KCNIP4: variants seen among roughly 807,000 people sequenced by gnomAD.
KCNIP4 encodes Kv channel-interacting protein 4.
A neutral mutation model predicts 34.0 loss-of-function variants in KCNIP4; 12 were observed. The observed-to-expected ratio is 0.35, with a 90% CI of 0.23 to 0.57. The LOEUF is 0.57. Among genes scored for constraint, KCNIP4 ranks in the 20% least tolerant of loss-of-function variants. The pLI is 0.83. For synonymous variants in KCNIP4, 124 were observed against 102.2 expected, an observed-to-expected ratio of 1.21 and a Z score of -1.29; for missense variants, 238 against 311.7, an observed-to-expected ratio of 0.76 and a Z score of 1.78.
At chr4:21,428,972 T>G (rs913544248) in intron 1 of KCNIP4, among the ~76,000 whole-genome samples, 2 of 152,128 alleles carry the variant, frequency 1.3e-5, no homozygotes, top group East Asian at 1.9e-4. Context: ...GAACTTAGAT[T>G]AATACATCAT....
chr4:21,599,696 G>A (rs1742944776), intron 1 of KCNIP4, among the ~76,000 whole-genome samples: 1 of 152,056 alleles, frequency 6.6e-6, no homozygotes, highest in South Asian at 2.1e-4. Context: ...TGTATTTTAG[G>A]TGTGAGTTCA....
At chr4:20,851,094 A>T (rs1308771025) in intron 2 of KCNIP4, among the ~76,000 whole-genome samples, 1 of 152,148 alleles carries the variant, frequency 6.6e-6, no homozygotes. Context: ...GGTTTGTTAC[A>T]TGGGTAAACA....
intron 3 of KCNIP4, among the ~76,000 whole-genome samples, chr4:20,816,325 A>C (rs1365237882): frequency 2.0e-5 from 3 of 152,122 alleles, no homozygotes; most frequent in South Asian, 2.1e-4. Context: ...AAAATGTCAC[A>C]TGTTCCTTTT....
At chr4:20,999,428 TTTGTTTTTTG>T (rs1560634195) in intron 1 of KCNIP4, among the ~76,000 whole-genome samples, 565 of 35,458 alleles carry the variant, frequency 0.016, 22 homozygotes, top group African/African-American at 0.068. Flanking sequence ...TTTTTTTTTG[TTTGTTTTTTG>T]TTTTTTTTTT....
At chr4:21,945,417 A>G (rs2109024337) in intron 1 of KCNIP4, among the ~76,000 whole-genome samples, 1 of 152,340 alleles carries the variant, frequency 6.6e-6, no homozygotes, top group East Asian at 1.9e-4. Flanking sequence ...TGTATGATGA[A>G]AAGCTTTTCA....
intron 3 of KCNIP4, among the ~76,000 whole-genome samples, chr4:20,838,121 T>C (rs1719294647): frequency 6.6e-6 from 1 of 152,190 alleles, no homozygotes; most frequent in African/African-American, 2.4e-5. Context: ...CTAGGTTCTA[T>C]GTGCAACAAG....
intron 1 of KCNIP4, among the ~76,000 whole-genome samples, chr4:21,102,355 T>C (rs1748024222): frequency 1.3e-5 from 2 of 152,160 alleles, no homozygotes; most frequent in Admixed American, 6.6e-5. Flanking sequence ...TAAATATCCA[T>C]GAGCTATATA....
chr4:21,657,295 G>C (rs537734757), intron 1 of KCNIP4, among the ~76,000 whole-genome samples: 4 of 152,040 alleles, frequency 2.6e-5, no homozygotes, highest in Non-Finnish European at 5.9e-5. Flanking sequence ...AGTGTGTTGC[G>C]TCTGTTGGCT....
At chr4:21,206,651 A>T (rs1238138769) in intron 1 of KCNIP4, among the ~76,000 whole-genome samples, 4 of 152,010 alleles carry the variant, frequency 2.6e-5, no homozygotes, top group African/African-American at 7.3e-5. Flanking sequence ...TTTTCTCTGA[A>T]CCCCAGTTGC....
chr4:20,765,501 A>G (rs1202742651), intron 3 of KCNIP4, among the ~76,000 whole-genome samples: 1 of 152,178 alleles, frequency 6.6e-6, no homozygotes, highest in Non-Finnish European at 1.5e-5. Context: ...TTTTCTTTTT[A>G]GAAATCTTTG....
In KCNIP4 at chr4:21,694,238, C is replaced by T. The variant is rs114697391; in HGVS notation, c.61+254333G>A. Reference sequence around the variant, plus strand: ...TTCTTGGAGCAATCCTAAGACCTATCTCCATTTATTTAGGTGTACAAGAAT... The same window carrying T: ...TTCTTGGAGCAATCCTAAGACCTATTTCCATTTATTTAGGTGTACAAGAAT... On this transcript the variant is annotated intron_variant, in intron 1 of 8. Coordinates refer to ENST00000382152, the MANE Select transcript of KCNIP4 (RefSeq NM_025221.6). 4.0e-3 allele frequency among the ~76,000 whole-genome samples: 614 copies of T among 152,202 alleles called. 9 individuals carry two copies. Among genetic ancestry groups the T allele is most frequent in the African/African-American group, 0.014 (586 of 41,532 alleles).
At chr4:21,525,635 C>T (rs1207991869) in intron 1 of KCNIP4, among the ~76,000 whole-genome samples, 3 of 152,078 alleles carry the variant, frequency 2.0e-5, no homozygotes, top group Non-Finnish European at 2.9e-5. Context: ...TACAGCAGTG[C>T]TCATGTTATC....
At chr4:21,698,088 T>C (rs577531189) in intron 1 of KCNIP4, among the ~76,000 whole-genome samples, 85 of 152,226 alleles carry the variant, frequency 5.6e-4, no homozygotes, top group Non-Finnish European at 9.1e-4. Context: ...AAAGGCTCAT[T>C]TGAGAAGCTG....
At chr4:20,895,151 G>T (rs1037678468) in intron 1 of KCNIP4, among the ~76,000 whole-genome samples, 4 of 152,278 alleles carry the variant, frequency 2.6e-5, no homozygotes, top group African/African-American at 9.6e-5. Context: ...ACACTTATTG[G>T]ATGTGTCTAA....
chr4:21,405,062 T>A (rs899562248), intron 1 of KCNIP4, among the ~76,000 whole-genome samples: 1 of 152,144 alleles, frequency 6.6e-6, no homozygotes, highest in Non-Finnish European at 1.5e-5. Flanking sequence ...CCCCTCAATA[T>A]CTAATCTCAT....
At chr4:21,044,003 T>G (rs1742197366) in intron 1 of KCNIP4, among the ~76,000 whole-genome samples, 1 of 152,120 alleles carries the variant, frequency 6.6e-6, no homozygotes. Context: ...TTACAGCCCA[T>G]GTCATAATTC....
intron 1 of KCNIP4, among the ~76,000 whole-genome samples, chr4:21,841,120 G>T (rs1232311785): frequency 6.6e-6 from 1 of 151,950 alleles, no homozygotes; most frequent in East Asian, 1.9e-4. Flanking sequence ...TTTTCCTGCT[G>T]AAGCTATCCT....
intron 1 of KCNIP4, among the ~76,000 whole-genome samples, chr4:21,462,349 C>T (rs1302833111): frequency 3.9e-5 from 6 of 152,134 alleles, no homozygotes; most frequent in Admixed American, 6.6e-5. Flanking sequence ...GAGCAAGTCA[C>T]GTCTTACGTG....
intron 1 of KCNIP4, among the ~76,000 whole-genome samples, chr4:21,631,578 G>C (rs1434678552): frequency 6.6e-6 from 1 of 152,034 alleles, no homozygotes; most frequent in Non-Finnish European, 1.5e-5. Context: ...CTCCTAATAT[G>C]GACATCTCTA....
Sources: allele counts gnomAD v4.1 joint callset (sites outside exome capture counted in the v4.1 genomes callset), GRCh38; gene constraint gnomAD v4.1.1; transcripts MANE v1.5; gene names NCBI Gene and HGNC (gene_info 2026-07-23, HGNC 2026-07-21).